The following IMMP2L variants were observed in gnomAD, a reference collection of about 807,000 sequenced individuals.
The protein encoded by IMMP2L is mitochondrial inner membrane protease subunit 2.
IMMP2L carries 18 observed loss-of-function variants against 19.3 expected under a neutral mutation model. That is an observed-to-expected ratio of 0.93 (90% CI 0.64 to 1.38). IMMP2L has a LOEUF of 1.38. Among genes scored for constraint, IMMP2L ranks in the 40% most tolerant of loss-of-function variants. The probability of loss-of-function intolerance (pLI) is 0.00; values close to 1 mark genes in which losing one functional copy is unlikely to be tolerated. For missense variants in IMMP2L, 233 were observed against 218.2 expected (o/e 1.07, Z -0.43); for synonymous variants, 76 against 73.0 (o/e 1.04, Z -0.21).
chr7:111,547,667 T>C (rs145476308), intron 1 of IMMP2L, among the ~76,000 whole-genome samples: 1 of 151,712 alleles, frequency 6.6e-6, no homozygotes, highest in African/African-American at 2.4e-5. Context: ...GAGATTCCCC[T>C]GTCTCAGCCT....
chr7:111,035,365 A>T (rs565858150), intron 3 of IMMP2L, among the ~76,000 whole-genome samples: 1 of 152,318 alleles, frequency 6.6e-6, no homozygotes, highest in East Asian at 1.9e-4. Flanking sequence ...TAAAGCAAGC[A>T]AGAAATAGAA....
intron 1 of IMMP2L, among the ~76,000 whole-genome samples, chr7:111,556,581 C>T (rs1243230542): frequency 6.7e-6 from 1 of 149,986 alleles, no homozygotes; most frequent in African/African-American, 2.4e-5. Flanking sequence ...ACCTCCACCA[C>T]TACAATGAAA....
At chr7:111,281,835 T>C (rs1819918305) in intron 3 of IMMP2L, among the ~76,000 whole-genome samples, 1 of 152,138 alleles carries the variant, frequency 6.6e-6, no homozygotes, top group African/African-American at 2.4e-5. Context: ...AGCTCTTCTC[T>C]AAAGGTGACA....
At chr7:111,065,007 A>G (rs1794364058) in intron 3 of IMMP2L, among the ~76,000 whole-genome samples, 1 of 152,332 alleles carries the variant, frequency 6.6e-6, no homozygotes, top group African/African-American at 2.4e-5. Flanking sequence ...CAGGAAAAAA[A>G]TCCAAGCATG....
intron 4 of IMMP2L, among the ~76,000 whole-genome samples, chr7:110,893,204 T>C (rs536934693): frequency 6.6e-6 from 1 of 152,302 alleles, no homozygotes; most frequent in South Asian, 2.1e-4. Context: ...AAAAATATTT[T>C]ATTGCTAAAA....
At chr7:111,360,912 G>A (rs37661) in intron 3 of IMMP2L, among the ~76,000 whole-genome samples, 8,419 of 151,946 alleles carry the variant, frequency 0.055, 341 homozygotes, top group African/African-American at 0.11. Flanking sequence ...TAAAACTGTC[G>A]TATTTATGTT....
At chr7:110,666,350 C>G (rs1791454858) in intron 5 of IMMP2L, among the ~76,000 whole-genome samples, 1 of 152,156 alleles carries the variant, frequency 6.6e-6, no homozygotes, top group African/African-American at 2.4e-5. Flanking sequence ...TCTCAGCTCA[C>G]TGCAAGCTCC....
chr7:111,547,850 A>T (rs1227556430), intron 1 of IMMP2L, among the ~76,000 whole-genome samples: 1 of 151,802 alleles, frequency 6.6e-6, no homozygotes, highest in Non-Finnish European at 1.5e-5. Flanking sequence ...CCTCCCAAGG[A>T]GCTGGGACCA....
chr7:110,786,356 G>A (rs1800077018), intron 5 of IMMP2L, among the ~76,000 whole-genome samples: 1 of 151,986 alleles, frequency 6.6e-6, no homozygotes, highest in African/African-American at 2.4e-5. Flanking sequence ...AAGTCACTGA[G>A]AACAGATGAG....
At chr7:111,528,087 A>G (rs905566744) in intron 1 of IMMP2L, among the ~76,000 whole-genome samples, 1 of 152,178 alleles carries the variant, frequency 6.6e-6, no homozygotes, top group African/African-American at 2.4e-5. Flanking sequence ...AATGAACACA[A>G]CATTTCTATG....
intron 3 of IMMP2L, among the ~76,000 whole-genome samples, chr7:110,964,051 T>C (rs1273800977): frequency 6.6e-6 from 1 of 151,962 alleles, no homozygotes; most frequent in Non-Finnish European, 1.5e-5. Flanking sequence ...AGTGTGGCAC[T>C]TCCCCTTCGC....
intron 3 of IMMP2L, among the ~76,000 whole-genome samples, chr7:111,415,134 G>C (rs1315436151): frequency 1.3e-5 from 2 of 151,862 alleles, no homozygotes; most frequent in Non-Finnish European, 2.9e-5. Flanking sequence ...CTCAAAGCTT[G>C]AGAGAGCTTT....
At chr7:111,317,949 A>G (rs1824283467) in intron 3 of IMMP2L, among the ~76,000 whole-genome samples, 1 of 152,190 alleles carries the variant, frequency 6.6e-6, no homozygotes, top group South Asian at 2.1e-4. Context: ...AAAAAATACC[A>G]AATAGGCTGT....
intron 5 of IMMP2L, among the ~76,000 whole-genome samples, chr7:110,681,799 T>C (rs1055522268): frequency 2.0e-5 from 3 of 151,632 alleles, no homozygotes; most frequent in Non-Finnish European, 4.4e-5. Context: ...GGAGAAGAGG[T>C]TGTAGGAATT....
At chr7:110,846,657 C>T (rs1186152957) in intron 5 of IMMP2L, among the ~76,000 whole-genome samples, 2 of 152,068 alleles carry the variant, frequency 1.3e-5, no homozygotes, top group Admixed American at 6.6e-5. Flanking sequence ...TAAGCCACTG[C>T]ACCTAGCTCA....
At chr7:111,136,740 C>T (rs1221342610) in intron 3 of IMMP2L, among the ~76,000 whole-genome samples, 2 of 152,116 alleles carry the variant, frequency 1.3e-5, no homozygotes, top group African/African-American at 2.4e-5. Context: ...CTACTTGATC[C>T]CAAATGATGT....
At chr7:111,109,475 C>A (rs1305924462) in intron 3 of IMMP2L, among the ~76,000 whole-genome samples, 1 of 152,108 alleles carries the variant, frequency 6.6e-6, no homozygotes, top group Non-Finnish European at 1.5e-5. Context: ...GAAGGTGTTT[C>A]ATTAACAACT....
intron 3 of IMMP2L, among the ~76,000 whole-genome samples, chr7:111,175,266 C>T (rs924414831): frequency 5.9e-5 from 9 of 151,832 alleles, no homozygotes; most frequent in African/African-American, 2.2e-4. Flanking sequence ...CCCATCTTAG[C>T]TTAGCCACAT....
intron 3 of IMMP2L, among the ~76,000 whole-genome samples, chr7:111,428,774 T>C (rs910365931): frequency 6.6e-6 from 1 of 151,836 alleles, no homozygotes; most frequent in Admixed American, 6.6e-5. Context: ...TGCTTCAAAC[T>C]ATATTATTAT....
Sources: allele counts gnomAD v4.1 joint callset (sites outside exome capture counted in the v4.1 genomes callset), GRCh38; gene constraint gnomAD v4.1.1; transcripts MANE v1.5; gene names NCBI Gene and HGNC (gene_info 2026-07-23, HGNC 2026-07-21).